Variants in HPSE2 observed in about 807,000 individuals in gnomAD.
The protein encoded by HPSE2 is heparanase 2 (inactive).
A neutral mutation model predicts 60.5 loss-of-function variants in HPSE2; 38 were observed. The ratio of observed to expected loss-of-function variants is 0.63; its 90% CI spans 0.48 to 0.82. The LOEUF (loss-of-function observed/expected upper bound fraction) is 0.82. Among genes scored for constraint, HPSE2 ranks in the 40% least tolerant of loss-of-function variants. HPSE2 has a pLI of 0.00. For synonymous variants in HPSE2, 295 were observed against 293.2 expected, an observed-to-expected ratio of 1.01 and a Z score of -0.06; for missense variants, 713 against 740.4, an observed-to-expected ratio of 0.96 and a Z score of 0.43.
rs202038196 is a variant in HPSE2, at chr10:98,721,731, C to T, written c.882G>A (p.Arg294=). 9.3e-6 allele frequency: 15 copies of T among 1,613,528 alleles called. No homozygotes were observed. Among genetic ancestry groups the T allele is most frequent in the Non-Finnish European group, 1.3e-5 (15 of 1,179,896 alleles). Residue 294 remains arginine (R), a synonymous_variant, in exon 5 of 12, where the codon CGG becomes CGA. Transcript: ENST00000370552. ...CATATAAGCTGGCTCTGGAATAAAT[C>T]CGGATGGGCTGCAACAGGCTCTTCA... ...IQLKSLLQPI[R]IYSRASLYGP...
chr10:98,648,196 C>T (rs937200759), intron 6 of HPSE2, among the ~76,000 whole-genome samples: 1 of 152,166 alleles, frequency 6.6e-6, no homozygotes, highest in African/African-American at 2.4e-5. Context: ...GACCCTTTTC[C>T]CCATATATCC....
At chr10:99,192,470 T>G (rs1000445485) in intron 2 of HPSE2, among the ~76,000 whole-genome samples, 2 of 152,194 alleles carry the variant, frequency 1.3e-5, no homozygotes, top group Non-Finnish European at 2.9e-5. Flanking sequence ...AGAGTCTCAC[T>G]GTGTCACCTA....
chr10:99,173,786 T>G (rs1320599505), intron 2 of HPSE2, among the ~76,000 whole-genome samples: 1 of 151,566 alleles, frequency 6.6e-6, no homozygotes, highest in South Asian at 2.1e-4. Context: ...CTACTAAAAG[T>G]ACAAAAATTA....
intron 3 of HPSE2, among the ~76,000 whole-genome samples, chr10:98,855,915 A>C (rs1238570649): frequency 6.6e-6 from 1 of 152,176 alleles, no homozygotes; most frequent in Admixed American, 6.5e-5. Context: ...ATTGAGAAAA[A>C]TCCTCTGGCA....
chr10:99,210,286 C>G (rs569756063), intron 2 of HPSE2, among the ~76,000 whole-genome samples: 1 of 152,232 alleles, frequency 6.6e-6, no homozygotes, highest in Admixed American at 6.5e-5. Context: ...AATAAAAGAT[C>G]TCTCCTCAAA....
intron 3 of HPSE2, among the ~76,000 whole-genome samples, chr10:98,857,949 T>G (rs142001320): frequency 6.6e-6 from 1 of 152,312 alleles, no homozygotes; most frequent in South Asian, 2.1e-4. Context: ...GAGAAAAATA[T>G]AATTTTATAA....
chr10:99,239,750 T>G (rs1849913612), upstream of HPSE2, among the ~76,000 whole-genome samples: 1 of 151,908 alleles, frequency 6.6e-6, no homozygotes, highest in African/African-American at 2.4e-5. Flanking sequence ...ACTTTTTATA[T>G]TATCTAGTAA....
chr10:98,765,884 T>C (rs915390423), intron 3 of HPSE2, among the ~76,000 whole-genome samples: 2 of 151,784 alleles, frequency 1.3e-5, no homozygotes, highest in Non-Finnish European at 2.9e-5. Flanking sequence ...ATCATTAATC[T>C]AATCATCTAC....
intron 2 of HPSE2, among the ~76,000 whole-genome samples, chr10:99,200,653 A>G (rs1184457487): frequency 7.1e-6 from 1 of 140,480 alleles, no homozygotes; most frequent in East Asian, 2.2e-4. Flanking sequence ...TAAATGTTTT[A>G]ATAAGTATCA....
At chr10:99,048,191 A>G in intron 3 of HPSE2, 1 of 654,224 alleles carries the variant, frequency 1.5e-6, no homozygotes, top group Non-Finnish European at 2.8e-6. Context: ...ATATGGCATC[A>G]TCTGCACGGA....
intron 3 of HPSE2, among the ~76,000 whole-genome samples, chr10:98,845,176 TG>T (rs1308897486): frequency 1.3e-5 from 2 of 152,196 alleles, no homozygotes; most frequent in East Asian, 3.9e-4. Context: ...ATGAGAGAGT[TG>T]GTGAAAGAAA....
Position 99,152,697 on chromosome 10 carries a change from T to C in HPSE2, c.449-8298A>G, listed in dbSNP as rs145146578. ...ATTGACTGTGCTAAATTAAGATGCA[T>C]AGTAAATCCCTTGAGCAACTAAGAA... On this transcript the variant is annotated intron_variant, in intron 2 of 11. Coordinates refer to ENST00000370552, the MANE Select transcript of HPSE2 (RefSeq NM_021828.5). Among the ~76,000 whole-genome samples the C allele has an allele frequency of 2.1e-3, 313 of 152,294 alleles. 4 individuals are homozygous for C. Among genetic ancestry groups the C allele is most frequent in the Admixed American group, 3.7e-3 (57 of 15,296 alleles).
rs1220211571 is a variant in HPSE2 at position 98,934,386 on chromosome 10, T to G, written c.611-190330A>C. On this transcript the variant is annotated intron_variant, in intron 3 of 11. Coordinates refer to ENST00000370552, the MANE Select transcript of HPSE2 (RefSeq NM_021828.5). ...TTCATAGTGTCATTGGTCTGTGTACTTCAGTGTGTTTTTGTAGTGGCTAGT... is the reference window on the plus strand; with the variant it reads ...TTCATAGTGTCATTGGTCTGTGTACGTCAGTGTGTTTTTGTAGTGGCTAGT... Among the ~76,000 whole-genome samples, 7 of 144,716 alleles carry G rather than the reference T, an allele frequency of 4.8e-5. 2 individuals carry two copies. The highest frequency in any genetic ancestry group is 2.0e-4 in the African/African-American group (7 of 35,814). 94.9% of individuals were successfully genotyped at this position (144,716 alleles called of 152,430 possible).
At chr10:98,601,572 T>C (rs1160239309) in intron 9 of HPSE2, among the ~76,000 whole-genome samples, 3 of 152,214 alleles carry the variant, frequency 2.0e-5, no homozygotes, top group Non-Finnish European at 4.4e-5. Context: ...TGTCTTCTGA[T>C]AAAAAGTAGT....
chr10:99,269,556 A>G, the HPSE2 span, among the ~76,000 whole-genome samples: 1 of 152,234 alleles, frequency 6.6e-6, no homozygotes, highest in African/African-American at 2.4e-5. Flanking sequence ...ATCAAGACAG[A>G]AAGTCAACAA....
At chr10:98,585,129 G>A (rs886972957) in intron 9 of HPSE2, among the ~76,000 whole-genome samples, 1 of 152,160 alleles carries the variant, frequency 6.6e-6, no homozygotes, top group African/African-American at 2.4e-5. Flanking sequence ...GGGGTTGTAT[G>A]GCTAAGCCAT....
chr10:98,961,537 C>G (rs1955681329), intron 3 of HPSE2, among the ~76,000 whole-genome samples: 1 of 55,392 alleles, frequency 1.8e-5, no homozygotes, highest in South Asian at 9.7e-4. Flanking sequence ...GCATAAATGT[C>G]TTCTTTTGAG....
chr10:98,892,323 T>C (rs1316089136), intron 3 of HPSE2, among the ~76,000 whole-genome samples: 2 of 152,172 alleles, frequency 1.3e-5, no homozygotes, highest in African/African-American at 4.8e-5. Context: ...CAAGACTTAG[T>C]ATGACTACCA....
intron 3 of HPSE2, among the ~76,000 whole-genome samples, chr10:99,114,755 A>C (rs1844605982): frequency 6.6e-6 from 1 of 151,870 alleles, no homozygotes; most frequent in African/African-American, 2.4e-5. Context: ...TCCACTAAAA[A>C]TACAAAAAAT....
Sources: allele counts gnomAD v4.1 joint callset (sites outside exome capture counted in the v4.1 genomes callset), GRCh38; gene constraint gnomAD v4.1.1; transcripts MANE v1.5; gene names NCBI Gene and HGNC (gene_info 2026-07-23, HGNC 2026-07-21).